Variants in HDAC9 observed in about 807,000 individuals in gnomAD.
HDAC9 encodes MEF-2 interacting transcription repressor (MITR) protein.
HDAC9 carries 41 observed loss-of-function variants against 139.4 expected under a neutral mutation model. The observed-to-expected ratio is 0.29, with a 90% CI of 0.23 to 0.38. The LOEUF (loss-of-function observed/expected upper bound fraction) is 0.38. Ranked by LOEUF, HDAC9 falls within the 10% of genes least tolerant of loss-of-function variation. The pLI is 1.00. For synonymous variants in HDAC9, 517 were observed against 476.2 expected (o/e 1.09, Z -1.12); for missense variants, 1,147 against 1,297.0 (o/e 0.88, Z 1.78).
At chr7:18,495,389 G>T (rs1303813909), upstream of HDAC9, among the ~76,000 whole-genome samples, 1 of 152,052 alleles carries the variant, frequency 6.6e-6, no homozygotes, top group Non-Finnish European at 1.5e-5. Context: ...ATGTGCATTT[G>T]CCCTCTTAGA....
chr7:18,603,803 A>C (rs529749958), intron 6 of HDAC9, among the ~76,000 whole-genome samples: 1 of 152,232 alleles, frequency 6.6e-6, no homozygotes, highest in East Asian at 1.9e-4. Flanking sequence ...AAAAACTTTT[A>C]ACATTTCTTG....
At chr7:18,257,086 C>G (rs1409883983) in intron 2 of HDAC9, among the ~76,000 whole-genome samples, 10 of 150,128 alleles carry the variant, frequency 6.7e-5, no homozygotes, top group Non-Finnish European at 1.5e-5. Context: ...GAGACCCTGT[C>G]TCAAATTGTG....
chr7:18,867,765 C>G (rs1464784200), intron 21 of HDAC9, among the ~76,000 whole-genome samples: 3 of 152,136 alleles, frequency 2.0e-5, no homozygotes, highest in Non-Finnish European at 4.4e-5. Flanking sequence ...CCTCTCCTCT[C>G]TTTTCTTGGG....
rs1468401656 is a variant in HDAC9, at chr7:18,762,274, C to A, written c.2161C>A (p.Leu721Ile). Reference protein sequence around the residue: ...DGQKLDPRILLGDDSQKFFSS... With the variant: ...DGQKLDPRILIGDDSQKFFSS... ...ACAGAAGCTGGACCCCAGGATACTCCTAGGTCTGTACGGGCCTCCACTGTA... is the reference window on the plus strand; with the variant it reads ...ACAGAAGCTGGACCCCAGGATACTCATAGGTCTGTACGGGCCTCCACTGTA... The change falls in exon 15 of 26, where the codon CTA becomes ATA. Residue 721 changes from leucine to isoleucine, a missense_variant. Transcript: ENST00000686413. The A allele has an allele frequency of 6.2e-7, 1 of 1,613,250 alleles. No individual in the cohort carries two copies. The highest frequency in any genetic ancestry group is 8.5e-7 in the Non-Finnish European group (1 of 1,179,570).
intron 17 of HDAC9, 81 bp from the exon 18 acceptor site, chr7:18,829,080 G>A (rs763869956): frequency 2.1e-6 from 2 of 953,970 alleles, no homozygotes; most frequent in Non-Finnish European, 1.7e-6. Context: ...CTGAGGCACT[G>A]TTGTGCCTGG....
At chr7:18,736,374 T>A (rs1786897894) in intron 13 of HDAC9, among the ~76,000 whole-genome samples, 1 of 152,210 alleles carries the variant, frequency 6.6e-6, no homozygotes. Flanking sequence ...TGTGGGTTTG[T>A]CATAAATAGC....
chr7:18,978,152 T>C (rs2129339367), intron 25 of HDAC9, among the ~76,000 whole-genome samples: 1 of 152,198 alleles, frequency 6.6e-6, no homozygotes, highest in African/African-American at 2.4e-5. Context: ...ATTAGAAAAA[T>C]CAGAGAGCTA....
intron 6 of HDAC9, among the ~76,000 whole-genome samples, chr7:18,618,756 A>G (rs1584201367): frequency 7.6e-6 from 1 of 131,702 alleles, no homozygotes; most frequent in Non-Finnish European, 1.6e-5. Context: ...ATATATATAT[A>G]TATATGTAGG....
At chr7:18,111,485 C>T (rs1783616993) in intron 1 of HDAC9, among the ~76,000 whole-genome samples, 1 of 152,090 alleles carries the variant, frequency 6.6e-6, no homozygotes, top group African/African-American at 2.4e-5. Context: ...GGATTGGTTC[C>T]AGCGACTCCC....
chr7:18,993,573 A>C (rs1046159722), intron 25 of HDAC9, among the ~76,000 whole-genome samples: 5 of 152,180 alleles, frequency 3.3e-5, no homozygotes, highest in African/African-American at 1.2e-4. Context: ...AGGCTAAAGC[A>C]GGAGGATCTC....
intron 22 of HDAC9, among the ~76,000 whole-genome samples, chr7:18,895,720 G>A (rs1027375350): frequency 1.3e-5 from 2 of 152,060 alleles, no homozygotes; most frequent in African/African-American, 4.8e-5. Flanking sequence ...GTTTCCCTTA[G>A]CATCGAACAG....
chr7:18,665,667 T>C (rs1794639163), intron 11 of HDAC9, among the ~76,000 whole-genome samples: 1 of 152,158 alleles, frequency 6.6e-6, no homozygotes, highest in Non-Finnish European at 1.5e-5. Flanking sequence ...TAAATATTTC[T>C]AGTTCTTACA....
chr7:18,874,735 C>T, intron 22 of HDAC9, 139 bp downstream of exon 22: 1 of 602,912 alleles, frequency 1.7e-6, no homozygotes, highest in Non-Finnish European at 3.0e-6. Context: ...GTGTTTATTG[C>T]TCTGTCGGAT....
At chr7:18,309,958 G>T (rs1419171862) in intron 1 of HDAC9, among the ~76,000 whole-genome samples, 1 of 152,170 alleles carries the variant, frequency 6.6e-6, no homozygotes, top group Non-Finnish European at 1.5e-5. Context: ...TAGGGCAGTG[G>T]TCCTCAAAGT....
At chr7:18,798,821 A>G (rs569693534) in intron 17 of HDAC9, among the ~76,000 whole-genome samples, 2 of 152,300 alleles carry the variant, frequency 1.3e-5, no homozygotes, top group African/African-American at 2.4e-5. Context: ...AGGAATGTGC[A>G]TAAGGACTAT....
At chr7:18,744,860 AAT>A (rs1554343923) in intron 13 of HDAC9, among the ~76,000 whole-genome samples, 1 of 152,042 alleles carries the variant, frequency 6.6e-6, no homozygotes, top group East Asian at 1.9e-4. Context: ...TATGTAAAAA[AAT>A]ATATATATAA....
Position 18,208,022 on chromosome 7 carries a change from T to C in HDAC9, c.25+45673T>C, listed in dbSNP as rs1178466786. Among the ~76,000 whole-genome samples, 8 of 152,112 alleles carry C rather than the reference T, an allele frequency of 5.3e-5. 1 individual carries two copies. The highest frequency in any genetic ancestry group is 5.2e-4 in the Admixed American group (8 of 15,274). On this transcript the variant is annotated intron_variant, in intron 2 of 12. Transcript: ENST00000417496. ...AGCCACTGTGCTCGGCCTATTTATG[T>C]TATTTTTAAAAAGCAAATTGCTTTC...
intron 24 of HDAC9, among the ~76,000 whole-genome samples, chr7:18,962,555 C>T (rs1783596406): frequency 1.3e-5 from 2 of 151,960 alleles, no homozygotes. Context: ...TTTTCACTCA[C>T]ACATCTACCA....
chr7:18,375,209 C>G (rs1435444589), intron 1 of HDAC9, among the ~76,000 whole-genome samples: 2 of 152,214 alleles, frequency 1.3e-5, no homozygotes, highest in Non-Finnish European at 2.9e-5. Context: ...GCGGCTCACG[C>G]CTGGAATCCC....
Sources: gnomAD v4.1 joint callset for allele counts (sites outside exome capture counted in the v4.1 genomes callset) on GRCh38, gnomAD v4.1.1 for gene constraint, MANE v1.5 for transcripts, NCBI Gene and HGNC (gene_info 2026-07-23, HGNC 2026-07-21) for gene names.